The following NFIA variants were observed in gnomAD, a reference collection of about 807,000 sequenced individuals.
The protein encoded by NFIA is nuclear factor I A.
NFIA carries 8 observed loss-of-function variants against 62.8 expected under a neutral mutation model. That is an observed-to-expected ratio of 0.13 (90% CI 0.07 to 0.23). The LOEUF (loss-of-function observed/expected upper bound fraction) is 0.23. Among genes scored for constraint, NFIA ranks in the 10% least tolerant of loss-of-function variants. The pLI, the probability that NFIA is intolerant of heterozygous loss-of-function variation, is 1.00. For missense variants in NFIA, 410 were observed against 642.1 expected, an observed-to-expected ratio of 0.64 and a Z score of 3.91; for synonymous variants, 235 against 238.1, an observed-to-expected ratio of 0.99 and a Z score of 0.12.
rs765827420 is a variant in NFIA, at chr1:61,404,243, T to G, written c.1215T>G (p.Pro405=). The change falls in exon 8 of 11, where the codon CCT becomes CCG. Residue 405 remains proline, a synonymous_variant. Transcript: ENST00000403491. The stretch of plus-strand genomic sequence containing the variant: ...AAGAATTTGTCCAACTTGTCTGCCC[T>G]GATGCTGGTCAGCAGGCTGGACAGG... ...TLKEFVQLVC[P]DAGQQAGQVG... is the part of the protein sequence containing the mutation. The G allele has an allele frequency of 1.2e-6, 2 of 1,614,156 alleles. No individual in the cohort carries two copies. Among genetic ancestry groups the G allele is most frequent in the East Asian group, 4.5e-5 (2 of 44,882 alleles).
chr1:61,350,903 T>C (rs548998905), intron 4 of NFIA, among the ~76,000 whole-genome samples: 1 of 152,284 alleles, frequency 6.6e-6, no homozygotes, highest in South Asian at 2.1e-4. Context: ...CCAGGTTGGG[T>C]TAGATAACCC....
At position 61,459,005 on chromosome 1, in the gene NFIA, G is replaced by A. The variant is rs1372477200; in HGVS notation, c.*3685G>A. ...TTGTTCATGTTTCATTGTCCAGAAA[G>A]CAGCAGGAAACTATTCAGTTGTGAT... On this transcript the variant is annotated 3_prime_UTR_variant, in exon 11 of 11. Transcript: ENST00000403491. The A allele has an allele frequency of 1.3e-5, 2 of 152,140 alleles. No homozygotes were observed. Among genetic ancestry groups the A allele is most frequent in the Admixed American group, 6.5e-5 (1 of 15,278 alleles). The allele number at this position is 152,140 out of a possible 1,614,324, so 9.4% of individuals were successfully genotyped here.
At chr1:61,161,002 C>T (rs1009987674) in intron 2 of NFIA, among the ~76,000 whole-genome samples, 2 of 152,196 alleles carry the variant, frequency 1.3e-5, no homozygotes, top group Non-Finnish European at 2.9e-5. Flanking sequence ...GCAACCTCTG[C>T]CTCCCAGGTT....
chr1:61,397,562 A>G (rs1424780255), intron 7 of NFIA, among the ~76,000 whole-genome samples: 2 of 152,162 alleles, frequency 1.3e-5, no homozygotes, highest in African/African-American at 4.8e-5. Flanking sequence ...ATCATACTAC[A>G]AAAGAAGCTA....
At chr1:61,332,267 A>G (rs953281744) in intron 3 of NFIA, among the ~76,000 whole-genome samples, 2 of 151,920 alleles carry the variant, frequency 1.3e-5, no homozygotes, top group Non-Finnish European at 2.9e-5. Flanking sequence ...TTCCGGTTGA[A>G]TTTTTTTTAA....
intron 2 of NFIA, among the ~76,000 whole-genome samples, chr1:61,264,296 C>G (rs920988747): frequency 4.6e-5 from 7 of 152,004 alleles, no homozygotes; most frequent in South Asian, 4.2e-4. Context: ...GTCCTCCCAG[C>G]AAACATGATT....
chr1:61,261,405 C>T (rs1278200304), intron 2 of NFIA, among the ~76,000 whole-genome samples: 1 of 152,194 alleles, frequency 6.6e-6, no homozygotes, highest in Non-Finnish European at 1.5e-5. Context: ...AGATATTTAA[C>T]ACTTTAATAT....
intron 2 of NFIA, among the ~76,000 whole-genome samples, chr1:61,211,189 T>C (rs1219469927): frequency 1.3e-5 from 2 of 152,144 alleles, no homozygotes; most frequent in Non-Finnish European, 2.9e-5. Flanking sequence ...TCTAGGGGCT[T>C]TGCCCTGAAT....
chr1:61,158,986 A>C (rs990445377), intron 2 of NFIA, among the ~76,000 whole-genome samples: 2 of 152,174 alleles, frequency 1.3e-5, no homozygotes, highest in African/African-American at 4.8e-5. Flanking sequence ...GAGTAGTTGC[A>C]TTGCATCTTG....
chr1:61,283,495 T>C (rs191890091), intron 3 of NFIA, among the ~76,000 whole-genome samples: 1 of 139,820 alleles, frequency 7.2e-6, no homozygotes, highest in Non-Finnish European at 1.5e-5. Context: ...GGCAGGAGAA[T>C]CGTATGAACC....
At chr1:61,358,963 A>G (rs959861654) in intron 5 of NFIA, among the ~76,000 whole-genome samples, 184 bp from the exon 6 acceptor site, 2 of 152,210 alleles carry the variant, frequency 1.3e-5, no homozygotes, top group African/African-American at 2.4e-5. Flanking sequence ...GGAACAACAC[A>G]GACCCAAGAC....
chr1:61,143,341 ACTT>A (rs1356639989), intron 2 of NFIA, among the ~76,000 whole-genome samples: 1 of 152,042 alleles, frequency 6.6e-6, no homozygotes, highest in African/African-American at 2.4e-5. Flanking sequence ...ACCACTTAGA[ACTT>A]CTTACTCACT....
In NFIA at chr1:61,456,936, C is replaced by T. The variant is rs1266159185; in HGVS notation, c.*1616C>T. On this transcript the variant is annotated 3_prime_UTR_variant, in exon 11 of 11. Transcript: ENST00000403491. ...TGCGACTTCAAGAAGGTTTCCTATA[C>T]TATACATATATATACGTTCTGGTTG... The T allele has an allele frequency of 6.6e-6, 1 of 152,054 alleles. No homozygotes were observed. Among genetic ancestry groups the T allele is most frequent in the East Asian group, 1.9e-4 (1 of 5,200 alleles). The allele number at this position is 152,054 out of a possible 1,614,324, so 9.4% of individuals were successfully genotyped here.
chr1:61,274,067 T>C (rs1657669987), intron 2 of NFIA, among the ~76,000 whole-genome samples: 1 of 152,188 alleles, frequency 6.6e-6, no homozygotes, highest in Non-Finnish European at 1.5e-5. Flanking sequence ...TACAAGCGTT[T>C]GGAAGCAGAG....
chr1:61,287,921 T>G (rs1488379297), intron 3 of NFIA, among the ~76,000 whole-genome samples: 1 of 152,164 alleles, frequency 6.6e-6, no homozygotes, highest in African/African-American at 2.4e-5. Context: ...ACCACTGGAA[T>G]TTAACCCACT....
intron 2 of NFIA, among the ~76,000 whole-genome samples, chr1:61,245,077 A>C (rs1198026934): frequency 6.6e-6 from 1 of 152,206 alleles, no homozygotes; most frequent in African/African-American, 2.4e-5. Flanking sequence ...GGCTGGGATG[A>C]ATTTGAGTCT....
chr1:61,348,862 G>A (rs766147126), intron 4 of NFIA, among the ~76,000 whole-genome samples: 1 of 152,102 alleles, frequency 6.6e-6, no homozygotes, highest in African/African-American at 2.4e-5. Flanking sequence ...GGAATGAAAC[G>A]GCTTCTCCAC....
At chr1:61,179,995 CTT>C (rs1020425513) in intron 2 of NFIA, among the ~76,000 whole-genome samples, 2 of 152,168 alleles carry the variant, frequency 1.3e-5, no homozygotes, top group African/African-American at 4.8e-5. Context: ...AATCAGGACT[CTT>C]TATGCATTAT....
At chr1:61,234,096 G>C (rs973988797) in intron 2 of NFIA, among the ~76,000 whole-genome samples, 7 of 151,644 alleles carry the variant, frequency 4.6e-5, no homozygotes, top group African/African-American at 1.5e-4. Context: ...GGCTGGGCGC[G>C]GTGGCTCACA....
Sources: gnomAD v4.1 joint callset for allele counts (sites outside exome capture counted in the v4.1 genomes callset) on GRCh38, gnomAD v4.1.1 for gene constraint, MANE v1.5 for transcripts, NCBI Gene and HGNC (gene_info 2026-07-23, HGNC 2026-07-21) for gene names.